MPHOSPH6: variants seen among roughly 807,000 people sequenced by gnomAD.
MPHOSPH6 encodes M-phase phosphoprotein 6.
Under a neutral mutation model 21.8 loss-of-function variants are expected in MPHOSPH6, and 25 were observed. The observed-to-expected ratio is 1.15, with a 90% CI of 0.83 to 1.60. The LOEUF (loss-of-function observed/expected upper bound fraction) is 1.60. MPHOSPH6 is among the 40% of genes most tolerant of loss of function. The probability of loss-of-function intolerance (pLI) is 0.00; values close to 1 mark genes in which losing one functional copy is unlikely to be tolerated. For missense variants in MPHOSPH6, 269 were observed against 181.8 expected (o/e 1.48, Z -2.76); for synonymous variants, 84 against 56.5 (o/e 1.49, Z -2.18).
chr16:82,164,290 T>C, intron 1 of MPHOSPH6, 96 bp from the exon 2 acceptor site: 4 of 765,770 alleles, frequency 5.2e-6, no homozygotes, highest in Non-Finnish European at 6.3e-6. Context: ...TCTCCTTCAT[T>C]TATCTATGGA....
chr16:82,159,870 C>G (rs572175153), intron 2 of MPHOSPH6, among the ~76,000 whole-genome samples: 8 of 152,188 alleles, frequency 5.3e-5, no homozygotes, highest in Non-Finnish European at 1.0e-4. Context: ...GGGCACAGAA[C>G]TTGCTGTTCA....
intron 1 of MPHOSPH6, among the ~76,000 whole-genome samples, chr16:82,165,636 C>G (rs1351326093): frequency 6.6e-6 from 1 of 152,106 alleles, no homozygotes; most frequent in African/African-American, 2.4e-5. Context: ...TTTATTGTAC[C>G]TTTTCTATAT....
At chr16:82,160,581 G>A (rs1228902273) in intron 2 of MPHOSPH6, among the ~76,000 whole-genome samples, 2 of 152,132 alleles carry the variant, frequency 1.3e-5, no homozygotes, top group Non-Finnish European at 2.9e-5. Context: ...CCTCTCTTGG[G>A]GCCGAAGGCA....
chr16:82,164,230 T>C, intron 1 of MPHOSPH6, 36 bp from the exon 2 acceptor site: 1 of 1,444,510 alleles, frequency 6.9e-7, no homozygotes, highest in Non-Finnish European at 9.6e-7. Context: ...CAGAAACTTT[T>C]CCCATTTTAG....
At position 82,148,563 on chromosome 16, in the gene MPHOSPH6, C is replaced by A. The variant is rs1906155265; in HGVS notation, c.*168G>T. ...TGAATACCAAGAAGCAAAGGATGTA[C>A]AACATCCATCACACATCTGTTTCAA... On this transcript the variant is annotated 3_prime_UTR_variant, in exon 5 of 5. Transcript: ENST00000258169. 7.6e-6 allele frequency: 6 copies of A among 794,454 alleles called. No homozygotes were observed. The highest frequency in any genetic ancestry group is 2.9e-5 in the South Asian group (1 of 34,182). 49.2% of individuals were successfully genotyped at this position (794,454 alleles called of 1,614,324 possible).
chr16:82,155,893 ACACT>A lies in MPHOSPH6; in HGVS notation c.165-4383_165-4380del, dbSNP rs555927102. 3.7e-3 allele frequency among the ~76,000 whole-genome samples: 562 copies of A among 150,562 alleles called. 5 individuals carry two copies. The highest frequency in any genetic ancestry group is 6.8e-3 in the Non-Finnish European group (459 of 67,778). ...GCACTCCAGCCTGGGTGACAGAGTGACACTCTGTCTCAAAAAAAAAAAAAAAGTT... is the reference window on the plus strand; with the variant it reads ...GCACTCCAGCCTGGGTGACAGAGTGACTGTCTCAAAAAAAAAAAAAAAGTT... On this transcript the variant is annotated intron_variant, in intron 2 of 4. Transcript: ENST00000258169.
intron 2 of MPHOSPH6, among the ~76,000 whole-genome samples, chr16:82,152,657 C>T (rs1047548456): frequency 6.6e-6 from 1 of 152,198 alleles, no homozygotes; most frequent in Non-Finnish European, 1.5e-5. Flanking sequence ...AGGAAAACCA[C>T]TGTTGCTGCT....
At chr16:82,170,014 C>A in intron 1 of MPHOSPH6, 111 bp downstream of exon 1, 1 of 1,194,016 alleles carries the variant, frequency 8.4e-7, no homozygotes, top group East Asian at 3.0e-5. Flanking sequence ...GAGCTGGAAG[C>A]CCTCTGAGGC....
At chr16:82,164,553 G>A (rs1055200796) in intron 1 of MPHOSPH6, 3 of 188,336 alleles carry the variant, frequency 1.6e-5, no homozygotes, top group Admixed American at 5.9e-5. Context: ...CCAACTCCTC[G>A]CCCGTCTGAC....
In MPHOSPH6 at chr16:82,148,175, A is replaced by T. The variant is rs960153362; in HGVS notation, c.*556T>A. The T allele has an allele frequency of 6.6e-6, 1 of 152,240 alleles. No homozygotes were observed. Among genetic ancestry groups the T allele is most frequent in the African/African-American group, 2.4e-5 (1 of 41,480 alleles). The allele number at this position is 152,240 out of a possible 1,614,324, so 9.4% of individuals were successfully genotyped here. ...AAATATAAAAAGTATGTGAAAGTAG[A>T]TTTTTATTACAGAGCAAATTTTTCT... On this transcript the variant is annotated 3_prime_UTR_variant, in exon 5 of 5. Coordinates refer to ENST00000258169, the MANE Select transcript of MPHOSPH6 (RefSeq NM_005792.2).
In MPHOSPH6 at chr16:82,149,292, C is replaced by T; in HGVS notation, c.350+17G>A. On this transcript the variant is annotated intron_variant, in intron 4 of 4. Transcript: ENST00000258169. Reference sequence around the variant, plus strand: ...ATGCTAGGTCCAGATTAGAAGGCTGCTGCGCAGCACGGTTACCTTCTAGCC... The same window carrying T: ...ATGCTAGGTCCAGATTAGAAGGCTGTTGCGCAGCACGGTTACCTTCTAGCC... 3 of 1,610,924 alleles carry T rather than the reference C, an allele frequency of 1.9e-6. No individual in the cohort carries two copies. The highest frequency in any genetic ancestry group is 1.7e-6 in the Non-Finnish European group (2 of 1,178,500).
At chr16:82,159,427 T>C (rs1043540681) in intron 2 of MPHOSPH6, among the ~76,000 whole-genome samples, 1 of 152,226 alleles carries the variant, frequency 6.6e-6, no homozygotes, top group Admixed American at 6.5e-5. Flanking sequence ...TTTTTTGAGA[T>C]GGAGTCTCAT....
intron 2 of MPHOSPH6, among the ~76,000 whole-genome samples, chr16:82,160,513 AAC>A (rs1459091230): frequency 6.6e-6 from 1 of 152,180 alleles, no homozygotes; most frequent in African/African-American, 2.4e-5. Context: ...AGCCTTGAAA[AAC>A]AGTCTTCCTC....
intron 2 of MPHOSPH6, among the ~76,000 whole-genome samples, chr16:82,160,278 T>C (rs1906566886): frequency 6.6e-6 from 1 of 152,240 alleles, no homozygotes. Context: ...TTAATGAGGA[T>C]AATTTTCAGG....
intron 2 of MPHOSPH6, among the ~76,000 whole-genome samples, chr16:82,154,048 T>C (rs575493720): frequency 1.3e-5 from 2 of 152,144 alleles, no homozygotes; most frequent in Non-Finnish European, 2.9e-5. Context: ...TTTTGCCACA[T>C]AAGGTAACAC....
chr16:82,168,852 A>T (rs1308193995), intron 1 of MPHOSPH6, among the ~76,000 whole-genome samples: 1 of 152,094 alleles, frequency 6.6e-6, no homozygotes, highest in Non-Finnish European at 1.5e-5. Context: ...ACAGTTTGCT[A>T]CTCTCTAGAA....
At chr16:82,150,627 C>A (rs1434806339) in intron 3 of MPHOSPH6, among the ~76,000 whole-genome samples, 2 of 152,136 alleles carry the variant, frequency 1.3e-5, no homozygotes, top group Non-Finnish European at 2.9e-5. Context: ...GTTGTCACAG[C>A]TGGGTAGGAG....
At chr16:82,150,319 C>A (rs544278481) in intron 3 of MPHOSPH6, among the ~76,000 whole-genome samples, 8 of 152,212 alleles carry the variant, frequency 5.3e-5, no homozygotes, top group Admixed American at 4.6e-4. Context: ...ATAATCCCTG[C>A]CTTTTTCTTC....
intron 1 of MPHOSPH6, among the ~76,000 whole-genome samples, chr16:82,167,345 C>G (rs1402403526): frequency 1.3e-5 from 2 of 152,182 alleles, no homozygotes; most frequent in African/African-American, 4.8e-5. Flanking sequence ...ATCCTCAACC[C>G]TCTTATACTT....
Sources: gnomAD v4.1 joint callset for allele counts (sites outside exome capture counted in the v4.1 genomes callset) on GRCh38, gnomAD v4.1.1 for gene constraint, MANE v1.5 for transcripts, NCBI Gene and HGNC (gene_info 2026-07-23, HGNC 2026-07-21) for gene names.